The following CACNA1B variants were observed in gnomAD, a reference collection of about 807,000 sequenced individuals.
CACNA1B encodes voltage-dependent N-type calcium channel subunit alpha-1B.
Under a neutral mutation model 247.2 loss-of-function variants are expected in CACNA1B, and 70 were observed. The observed-to-expected ratio is 0.28, with a 90% CI of 0.23 to 0.35. The LOEUF (loss-of-function observed/expected upper bound fraction) is 0.35, where lower values mean the gene tolerates loss of function less well. Among genes scored for constraint, CACNA1B ranks in the 10% least tolerant of loss-of-function variants. CACNA1B has a pLI of 1.00. For missense variants in CACNA1B, 2,367 were observed against 3,197.4 expected (o/e 0.74, Z 6.26); for synonymous variants, 1,231 against 1,294.4 (o/e 0.95, Z 1.05).
chr9:137,913,370 ACT>A lies in CACNA1B; in HGVS notation c.622+102_622+103del. ...CCATGGCCATGGTTTGGCTTTGGTG[ACT>A]CTGAGCTTGCCACTTTTGACCCCAG... On this transcript the variant is annotated intron_variant, in intron 4 of 46. Coordinates refer to ENST00000371372, the MANE Select transcript of CACNA1B (RefSeq NM_000718.4). This position sits in a 1 kb window ranked among gnomAD's most constrained non-coding sequence, Gnocchi z 5.2. 1 of 930,840 alleles carries A rather than the reference ACT, an allele frequency of 1.1e-6. No homozygotes were observed. Among genetic ancestry groups the A allele is most frequent in the Non-Finnish European group, 1.6e-6 (1 of 608,374 alleles). The allele number at this position is 930,840 out of a possible 1,614,324, so 57.7% of individuals were successfully genotyped here.
At chr9:138,001,684 G>T (rs972079967) in intron 15 of CACNA1B, among the ~76,000 whole-genome samples, 1 of 151,938 alleles carries the variant, frequency 6.6e-6, no homozygotes, top group Non-Finnish European at 1.5e-5. Context: ...TAATATATTA[G>T]ATATAATAAG....
At chr9:138,034,700 A>G (rs1440222295) in intron 20 of CACNA1B, among the ~76,000 whole-genome samples, 1 of 152,080 alleles carries the variant, frequency 6.6e-6, no homozygotes, top group Non-Finnish European at 1.5e-5. Flanking sequence ...GTCATTCCTC[A>G]GGTCCCAAGG....
chr9:138,074,661 C>T (rs959382448), intron 34 of CACNA1B, among the ~76,000 whole-genome samples: 1 of 152,260 alleles, frequency 6.6e-6, no homozygotes, highest in African/African-American at 2.4e-5. Flanking sequence ...GGCCCATTGC[C>T]ACCTCAACAG....
At chr9:138,112,647 T>C in intron 40 of CACNA1B, 142 bp downstream of exon 40, 1 of 637,960 alleles carries the variant, frequency 1.6e-6, no homozygotes, top group East Asian at 2.8e-5. Flanking sequence ...GAATCTGCCC[T>C]CAGCTCCAAC....
In CACNA1B at chr9:138,069,763, G is replaced by A. The variant is rs1405749514; in HGVS notation, c.4674G>A (p.Thr1558=). Residue 1558 remains threonine (T), a splice_region_variant and synonymous_variant, in exon 32 of 47, where the codon ACG becomes ACA. Transcript: ENST00000371372. The part of the protein sequence containing the change: ...TDILVTEIAE[T]NNFINLSFLR... ...CATGAAAACATCACATGTAGGAAAC[G>A]GTTGGTTTCACGACTCTGAACGGTT... 3.1e-6 allele frequency: 5 copies of A among 1,610,086 alleles called. No homozygotes were observed. Among genetic ancestry groups the A allele is most frequent in the African/African-American group, 1.3e-5 (1 of 74,944 alleles).
chr9:137,980,183 C>T (rs903201612), intron 12 of CACNA1B, among the ~76,000 whole-genome samples: 1 of 152,226 alleles, frequency 6.6e-6, no homozygotes, highest in African/African-American at 2.4e-5. Context: ...GATGTCTCTG[C>T]ATATATGTCC....
intron 39 of CACNA1B, among the ~76,000 whole-genome samples, chr9:138,111,241 A>G (rs1961619120): frequency 6.6e-6 from 1 of 152,258 alleles, no homozygotes; most frequent in African/African-American, 2.4e-5. Flanking sequence ...CCCAAACTGT[A>G]AACAACTCAT....
intron 13 of CACNA1B, among the ~76,000 whole-genome samples, chr9:137,985,813 G>A (rs913537535): frequency 7.2e-4 from 109 of 152,342 alleles, no homozygotes; most frequent in African/African-American, 2.5e-3. Context: ...AGCAGGGCAC[G>A]GTCACTGCCC....
intron 6 of CACNA1B, among the ~76,000 whole-genome samples, chr9:137,945,682 A>C (rs975318293): frequency 5.3e-5 from 8 of 152,218 alleles, no homozygotes; most frequent in Non-Finnish European, 1.2e-4. Flanking sequence ...CACTTAAAAC[A>C]ATCCTTTAAC....
At chr9:138,104,628 C>G (rs1961362418) in intron 38 of CACNA1B, among the ~76,000 whole-genome samples, 1 of 152,194 alleles carries the variant, frequency 6.6e-6, no homozygotes. Context: ...AGGCTGAGGA[C>G]TCTGGATTTG....
rs927376483 is a variant in CACNA1B, at chr9:138,083,453, G to A, written c.5094+5195G>A. 8.6e-5 allele frequency among the ~76,000 whole-genome samples: 13 copies of A among 150,692 alleles called. 1 individual carries two copies. Among genetic ancestry groups the A allele is most frequent in the Admixed American group, 2.6e-4 (4 of 15,180 alleles). On this transcript the variant is annotated intron_variant, in intron 36 of 46. Transcript: ENST00000371372. Reference sequence around the variant, plus strand: ...AAACAGTACCTTGGCCACTCAGAGCGGTCACACCTCCCCAGTGTCTTAAGT... The same window carrying A: ...AAACAGTACCTTGGCCACTCAGAGCAGTCACACCTCCCCAGTGTCTTAAGT...
rs551200157 is a variant in CACNA1B, at chr9:138,004,878, G to T, written c.1975-1889G>T. Among the ~76,000 whole-genome samples, 5 of 152,240 alleles carry T rather than the reference G, an allele frequency of 3.3e-5. No individual in the cohort carries two copies. The East Asian group carries it at 9.7e-4, about 29-fold the overall frequency. On this transcript the variant is annotated intron_variant, in intron 15 of 46. Transcript: ENST00000371372. ...ACATACAAATGGCCAACAGATGTAT[G>T]AAAAAATACTCAACATCACTAATCA...
chr9:138,058,341 CAGCTTTG>C lies in CACNA1B; in HGVS notation c.4308+92_4308+98del. 5 of 1,199,570 alleles carry C rather than the reference CAGCTTTG, an allele frequency of 4.2e-6. No individual in the cohort carries two copies. The South Asian group carries it at 6.4e-5, about 15-fold the overall frequency. The allele number at this position is 1,199,570 out of a possible 1,614,324, so 74.3% of individuals were successfully genotyped here. ...GCACACAAATCACTCACAGCTGGGT[CAGCTTTG>C]GCTGCCACCGTCTGCCAACACAGGG... On this transcript the variant is annotated intron_variant, in intron 28 of 46. Coordinates refer to ENST00000371372, the MANE Select transcript of CACNA1B (RefSeq NM_000718.4). The surrounding 1 kb of genome is among the most constrained non-coding windows in gnomAD (Gnocchi z 4.7).
chr9:138,112,276 G>A (rs949938308), intron 39 of CACNA1B, 122 bp from the exon 40 acceptor site: 6 of 694,340 alleles, frequency 8.6e-6, no homozygotes, highest in South Asian at 6.7e-5. Context: ...AGCACCGTCT[G>A]TACCCCATCT....
chr9:138,122,119 C>T lies in CACNA1B; in HGVS notation c.*120C>T, dbSNP rs200098910. On this transcript the variant is annotated 3_prime_UTR_variant, in exon 47 of 47. Transcript: ENST00000371372. The stretch of plus-strand genomic sequence containing the variant: ...GGCCTTGCCCACCTTGGTGAGGCTC[C>T]TGTGGCCCCTCCCTCCCCCTCCTCC... 7.1e-6 allele frequency: 6 copies of T among 849,366 alleles called. No individual in the cohort carries two copies. The South Asian group carries it at 8.9e-5, about 13-fold the overall frequency. 52.6% of individuals were successfully genotyped at this position (849,366 alleles called of 1,614,324 possible).
In CACNA1B at chr9:137,914,049, G is replaced by C. The variant is rs1489581168; in HGVS notation, c.623-605G>C. ...TATGGCCAGTGGCAGAACATTCCCA[G>C]GGGCAGGTCTTTTTTGCCTCACTTT... On this transcript the variant is annotated intron_variant, in intron 4 of 46. Transcript: ENST00000371372. This position sits in a 1 kb window ranked among gnomAD's most constrained non-coding sequence, Gnocchi z 4.3. Among the ~76,000 whole-genome samples the C allele has an allele frequency of 6.6e-6, 1 of 152,144 alleles. No individual in the cohort carries two copies.
At chr9:138,068,570 G>A in intron 31 of CACNA1B, 1 of 518,574 alleles carries the variant, frequency 1.9e-6, no homozygotes, top group Non-Finnish European at 3.8e-6. Context: ...AGAGGCACAG[G>A]TGGGCTGCAT....
intron 15 of CACNA1B, among the ~76,000 whole-genome samples, chr9:138,003,040 G>A (rs949809665): frequency 6.0e-5 from 9 of 151,220 alleles, no homozygotes; most frequent in East Asian, 2.0e-4. Context: ...CTTGTGATCC[G>A]TCCACCTTGG....
At position 138,122,295 on chromosome 9, in the gene CACNA1B, A is replaced by C; in HGVS notation, c.*296A>C. The C allele has an allele frequency of 1.6e-5, 7 of 443,944 alleles. No homozygotes were observed. Among genetic ancestry groups the C allele is most frequent in the East Asian group, 3.8e-5 (1 of 26,496 alleles). 27.5% of individuals were successfully genotyped at this position (443,944 alleles called of 1,614,324 possible). A position where few individuals can be genotyped will look rare whatever the true frequency, so the allele number is the denominator to read the frequency against. The stretch of plus-strand genomic sequence containing the variant: ...GGCTGAGAAGGACCCAGGAGTCCAA[A>C]TCCCGTGTCCTGGGACTCAGCATCC... On this transcript the variant is annotated 3_prime_UTR_variant, in exon 47 of 47. Transcript: ENST00000371372.
Sources: allele counts gnomAD v4.1 joint callset (sites outside exome capture counted in the v4.1 genomes callset), GRCh38; gene constraint gnomAD v4.1.1; non-coding constraint Gnocchi (gnomAD v3.1); transcripts MANE v1.5; gene names NCBI Gene and HGNC (gene_info 2026-07-23, HGNC 2026-07-21).